The following KCNIP4 variants were observed in gnomAD, a reference collection of about 807,000 sequenced individuals.
KCNIP4 encodes potassium voltage-gated channel interacting protein 4, also known as Kv channel-interacting protein 4.
In KCNIP4, 12 loss-of-function variants were observed where a neutral mutation model predicts 34.0. The ratio of observed to expected loss-of-function variants is 0.35; its 90% confidence interval spans 0.23 to 0.57. KCNIP4 has a LOEUF of 0.57. Among genes scored for constraint, KCNIP4 ranks in the 20% least tolerant of loss-of-function variants. KCNIP4 has a pLI of 0.83. For missense variants in KCNIP4, 238 were observed against 311.7 expected, an observed-to-expected ratio of 0.76 and a Z score of 1.78; for synonymous variants, 124 against 102.2, an observed-to-expected ratio of 1.21 and a Z score of -1.29.
chr4:20,739,004 C>T lies in KCNIP4; in HGVS notation c.430-4269G>A, dbSNP rs572128293. On this transcript the variant is annotated intron_variant, in intron 5 of 8. Transcript: ENST00000382152. Reference sequence around the variant, plus strand: ...CTTGCTCACTGCTATCACAGAAGTCCGAGATCGAACTGCAAGGCAACAGTG... The same window carrying T: ...CTTGCTCACTGCTATCACAGAAGTCTGAGATCGAACTGCAAGGCAACAGTG... Among the ~76,000 whole-genome samples the T allele has an allele frequency of 2.0e-5, 3 of 152,274 alleles. No individual in the cohort carries two copies. The South Asian group carries it at 6.2e-4, about 32-fold the overall frequency.
intron 1 of KCNIP4, among the ~76,000 whole-genome samples, chr4:21,054,846 C>A (rs565076975): frequency 2.6e-5 from 4 of 151,826 alleles, no homozygotes; most frequent in Non-Finnish European, 4.4e-5. Flanking sequence ...ACCTAGAAGA[C>A]CTTGAGAATG....
chr4:20,735,518 G>GTTT (rs754949562), intron 5 of KCNIP4, among the ~76,000 whole-genome samples: 19 of 130,802 alleles, frequency 1.5e-4, no homozygotes, highest in African/African-American at 4.6e-4. Flanking sequence ...TTCATTTAGT[G>GTTT]TTTTTTTTTT....
At chr4:21,102,041 C>T (rs1747993451) in intron 1 of KCNIP4, among the ~76,000 whole-genome samples, 1 of 152,146 alleles carries the variant, frequency 6.6e-6, no homozygotes, top group Non-Finnish European at 1.5e-5. Flanking sequence ...CCTGGTGATT[C>T]ACCCTGCAAT....
intron 3 of KCNIP4, among the ~76,000 whole-genome samples, chr4:20,810,466 A>T (rs202181848): frequency 2.5e-5 from 1 of 40,636 alleles, no homozygotes; most frequent in Non-Finnish European, 5.4e-5. Context: ...GGAAGGGGGG[A>T]GAGAGAGAGA....
chr4:21,845,693 A>G (rs1723972916), intron 1 of KCNIP4: 1 of 152,034 alleles, frequency 6.6e-6, no homozygotes, highest in South Asian at 2.1e-4. Flanking sequence ...AACCCTTTCG[A>G]TTCGACATGT....
intron 1 of KCNIP4, among the ~76,000 whole-genome samples, chr4:21,899,110 G>A (rs569907121): frequency 3.3e-5 from 5 of 152,136 alleles, no homozygotes; most frequent in Non-Finnish European, 7.3e-5. Context: ...ATTTATCCCA[G>A]GGATGCAAGG....
chr4:20,900,250 A>G (rs1727021479), intron 1 of KCNIP4, among the ~76,000 whole-genome samples: 1 of 152,194 alleles, frequency 6.6e-6, no homozygotes, highest in Non-Finnish European at 1.5e-5. Flanking sequence ...AAACATTGAA[A>G]AAGGTACATT....
At chr4:21,077,717 A>C (rs1225914297) in intron 1 of KCNIP4, among the ~76,000 whole-genome samples, 1 of 152,158 alleles carries the variant, frequency 6.6e-6, no homozygotes, top group Admixed American at 6.6e-5. Context: ...GCTTATTACT[A>C]TTCAAAAAAC....
intron 1 of KCNIP4, among the ~76,000 whole-genome samples, chr4:21,787,783 T>C (rs1469460472): frequency 6.6e-6 from 1 of 152,170 alleles, no homozygotes; most frequent in Non-Finnish European, 1.5e-5. Context: ...CCTCCATCAT[T>C]AATTGTTCCT....
chr4:21,582,027 A>AGAATAGAATAGAATG (rs1741247929), intron 1 of KCNIP4: 2 of 113,108 alleles, frequency 1.8e-5, no homozygotes, highest in South Asian at 6.6e-4. Context: ...AGAATAGAAT[A>AGAATAGAATAGAATG]GAATGGAATG....
chr4:21,654,089 G>C (rs1213400712), intron 1 of KCNIP4, among the ~76,000 whole-genome samples: 1 of 152,164 alleles, frequency 6.6e-6, no homozygotes, highest in Non-Finnish European at 1.5e-5. Flanking sequence ...AGAATAGATA[G>C]CTTTATAATG....
At chr4:21,054,463 G>A (rs1743224571) in intron 1 of KCNIP4, among the ~76,000 whole-genome samples, 1 of 150,858 alleles carries the variant, frequency 6.6e-6, no homozygotes, top group African/African-American at 2.4e-5. Context: ...AGGTTGCAGA[G>A]AGCAGAGATC....
In KCNIP4 at chr4:21,384,863, G is replaced by C. The variant is rs1186091440; in HGVS notation, c.62-502154C>G. ...GCTCCCTGGGGAGAAGGCAGAAAGG[G>C]GAGATGAAATAAATTGCAGCCAAAT... On this transcript the variant is annotated intron_variant, in intron 1 of 8. Coordinates refer to ENST00000382152, the MANE Select transcript of KCNIP4 (RefSeq NM_025221.6). Among the ~76,000 whole-genome samples, 3 of 152,110 alleles carry C rather than the reference G, an allele frequency of 2.0e-5. No homozygotes were observed. In the East Asian group the frequency reaches 5.8e-4, roughly 29 times the overall value.
chr4:21,191,472 G>A (rs574375121), intron 1 of KCNIP4, among the ~76,000 whole-genome samples: 13 of 152,270 alleles, frequency 8.5e-5, no homozygotes, highest in South Asian at 2.1e-4. Context: ...AAGCCCTGCC[G>A]GAGGGTGCTG....
chr4:20,731,724 C>G, intron 8 of KCNIP4: 1 of 985,130 alleles, frequency 1.0e-6, no homozygotes, highest in Middle Eastern at 5.2e-4. Context: ...ATGTTTTATC[C>G]TCCATGAATA....
At chr4:21,146,212 C>T (rs1464846357) in intron 1 of KCNIP4, among the ~76,000 whole-genome samples, 2 of 152,016 alleles carry the variant, frequency 1.3e-5, no homozygotes, top group East Asian at 3.9e-4. Context: ...TCTTGGCTAA[C>T]ACAGTGAAAC....
At chr4:21,489,033 G>A (rs768165343) in intron 1 of KCNIP4, among the ~76,000 whole-genome samples, 1 of 152,130 alleles carries the variant, frequency 6.6e-6, no homozygotes, top group Admixed American at 6.5e-5. Context: ...TGTTTTTTAC[G>A]ATGCAACACA....
intron 1 of KCNIP4, among the ~76,000 whole-genome samples, chr4:21,155,113 C>T (rs1319678210): frequency 6.6e-6 from 1 of 152,146 alleles, no homozygotes; most frequent in Non-Finnish European, 1.5e-5. Flanking sequence ...TACTGAGTCA[C>T]CTTACTGTAG....
rs7436186 is a variant in KCNIP4, at chr4:21,184,232, T to C, written c.62-301523A>G. On this transcript the variant is annotated intron_variant, in intron 1 of 8. Coordinates refer to ENST00000382152, the MANE Select transcript of KCNIP4 (RefSeq NM_025221.6). ...TCATAGGATTATTGTGAGAATTAAA[T>C]GAGCCAATCAGCATAAATCACTTAG... Among the ~76,000 whole-genome samples the C allele has an allele frequency of 7.6e-3, 1,160 of 152,246 alleles. 12 individuals are homozygous for C. Among genetic ancestry groups the C allele is most frequent in the African/African-American group, 0.027 (1,110 of 41,566 alleles).
Sources: gnomAD v4.1 joint callset for allele counts (sites outside exome capture counted in the v4.1 genomes callset) on GRCh38, gnomAD v4.1.1 for gene constraint, MANE v1.5 for transcripts, NCBI Gene and HGNC (gene_info 2026-07-23, HGNC 2026-07-21) for gene names.